The following NT5E variants were observed in gnomAD, a reference collection of about 807,000 sequenced individuals.
The protein encoded by NT5E is 5'-nucleotidase ecto, also known as 5'-nucleotidase.
In NT5E, 53 loss-of-function variants were observed where a neutral mutation model predicts 55.1. The ratio of observed to expected loss-of-function variants is 0.96; its 90% confidence interval spans 0.77 to 1.21. The LOEUF (loss-of-function observed/expected upper bound fraction) is 1.21. NT5E is among the 50% of genes most tolerant of loss of function. The probability of loss-of-function intolerance (pLI) is 0.00; values close to 1 mark genes in which losing one functional copy is unlikely to be tolerated. For synonymous variants in NT5E, 270 were observed against 278.4 expected, an observed-to-expected ratio of 0.97 and a Z score of 0.30; for missense variants, 683 against 724.3, an observed-to-expected ratio of 0.94 and a Z score of 0.65.
At position 85,473,806 on chromosome 6, in the gene NT5E, C is replaced by A. The variant is rs140401434; in HGVS notation, c.751+2381C>A. Among the ~76,000 whole-genome samples, 152 of 152,252 alleles carry A rather than the reference C, an allele frequency of 1.0e-3. 1 individual carries two copies. The highest frequency in any genetic ancestry group is 3.6e-3 in the African/African-American group (151 of 41,532). The stretch of plus-strand genomic sequence containing the variant: ...TCTAAAAACTCAGCTTTAAATGGGA[C>A]GTGACCAAAATAATGCATGAACACT... On this transcript the variant is annotated intron_variant, in intron 3 of 8. Transcript: ENST00000257770.
rs1262582043 is a variant in NT5E, at chr6:85,494,340, T to C, written c.*336T>C. On this transcript the variant is annotated 3_prime_UTR_variant, in exon 9 of 9. Transcript: ENST00000257770. ...ATCCATCAAACAGCTTATGTTTACATAAAATTTTATCATTCACAAGGAAGT... is the reference window on the plus strand; with the variant it reads ...ATCCATCAAACAGCTTATGTTTACACAAAATTTTATCATTCACAAGGAAGT... The C allele has an allele frequency of 4.2e-6, 1 of 236,202 alleles. No homozygotes were observed. Among genetic ancestry groups the C allele is most frequent in the Non-Finnish European group, 8.3e-6 (1 of 120,312 alleles). 14.6% of individuals were successfully genotyped at this position (236,202 alleles called of 1,614,324 possible).
At chr6:85,490,409 T>C in intron 6 of NT5E, 99 bp from the exon 7 acceptor site, 2 of 1,335,424 alleles carry the variant, frequency 1.5e-6, no homozygotes, top group Non-Finnish European at 2.1e-6. Context: ...GCTTCCCATG[T>C]CCCCCTCATT....
chr6:85,479,849 T>C (rs1201236269), intron 3 of NT5E, among the ~76,000 whole-genome samples: 1 of 152,180 alleles, frequency 6.6e-6, no homozygotes, highest in Non-Finnish European at 1.5e-5. Context: ...TGTTTTCTTA[T>C]TTTTAAACAT....
chr6:85,467,011 TTA>T (rs748160130), intron 1 of NT5E, 47 bp from the exon 2 acceptor site: 11 of 1,529,674 alleles, frequency 7.2e-6, no homozygotes, highest in Non-Finnish European at 9.9e-6. Flanking sequence ...TGGACTAATG[TTA>T]TGTTTTTAAA....
chr6:85,472,485 C>T (rs952948420), intron 3 of NT5E, among the ~76,000 whole-genome samples: 1 of 152,226 alleles, frequency 6.6e-6, no homozygotes, highest in Non-Finnish European at 1.5e-5. Context: ...AGGAAAGAAA[C>T]ACAATATTGG....
In NT5E at chr6:85,450,090, G is replaced by C. The variant is rs1176773619; in HGVS notation, c.-50G>C. ...CCCTAGCTGCTCGCCCCTACTCGCCGGCACTCGCCCGGCTCGCCCGCTTTC... is the reference window on the plus strand; with the variant it reads ...CCCTAGCTGCTCGCCCCTACTCGCCCGCACTCGCCCGGCTCGCCCGCTTTC... On this transcript the variant is annotated 5_prime_UTR_variant, in exon 1 of 9. Coordinates refer to ENST00000257770, the MANE Select transcript of NT5E (RefSeq NM_002526.4). The surrounding 1 kb of genome is among the most constrained non-coding windows in gnomAD (Gnocchi z 4.0). 1.4e-6 allele frequency: 2 copies of C among 1,466,224 alleles called. No individual in the cohort carries two copies. Among genetic ancestry groups the C allele is most frequent in the Non-Finnish European group, 1.8e-6 (2 of 1,086,426 alleles). The allele number at this position is 1,466,224 out of a possible 1,614,324, so 90.8% of individuals were successfully genotyped here.
At position 85,467,182 on chromosome 6, in the gene NT5E, A is replaced by G. The variant is rs1288338029; in HGVS notation, c.462A>G (p.Ile154Met). 16 of 1,614,180 alleles carry G rather than the reference A, an allele frequency of 9.9e-6. No individual in the cohort carries two copies. Among genetic ancestry groups the G allele is most frequent in the Non-Finnish European group, 1.3e-5 (15 of 1,180,026 alleles). The change falls in exon 2 of 9, where the codon ATA becomes ATG. Residue 154 changes from isoleucine to methionine, a missense_variant. Physicochemically the swap from Ile to Met is conservative, Grantham distance 10. Transcript: ENST00000257770. ...CAAAGGGGCCACTAGCATCTCAAAT[A>G]TCAGGACTTTATTTGCCATATAAAG... Reference protein sequence around the residue: ...IKAKGPLASQISGLYLPYKVL... With the variant: ...IKAKGPLASQMSGLYLPYKVL...
At chr6:85,456,819 G>A (rs1033428963) in intron 1 of NT5E, among the ~76,000 whole-genome samples, 1 of 152,152 alleles carries the variant, frequency 6.6e-6, no homozygotes, top group Admixed American at 6.5e-5. Flanking sequence ...GGGTGAGACT[G>A]GGATCAAGTC....
intron 1 of NT5E, among the ~76,000 whole-genome samples, chr6:85,464,507 C>A (rs1479125919): frequency 2.0e-5 from 3 of 152,038 alleles, no homozygotes; most frequent in Non-Finnish European, 2.9e-5. Context: ...TTTCCTCACA[C>A]TTTATGGGGT....
chr6:85,451,592 G>C (rs1051070140), intron 1 of NT5E, among the ~76,000 whole-genome samples: 1 of 152,142 alleles, frequency 6.6e-6, no homozygotes. Flanking sequence ...GGAGAAACTT[G>C]GGAGAAGAAA....
chr6:85,451,658 T>C (rs1768860977), intron 1 of NT5E, among the ~76,000 whole-genome samples: 1 of 152,048 alleles, frequency 6.6e-6, no homozygotes, highest in African/African-American at 2.4e-5. Flanking sequence ...TCCAGAGAAA[T>C]CTGTGAAGTC....
chr6:85,489,321 T>G lies in NT5E; in HGVS notation c.1105-173T>G, dbSNP rs150670740. Among the ~76,000 whole-genome samples, 46 of 152,312 alleles carry G rather than the reference T, an allele frequency of 3.0e-4. 1 individual carries two copies. In the East Asian group the frequency reaches 3.7e-3, roughly 12 times the overall value. ...TTTGACATGGACTGGTAACAGTATA[T>G]TTTTACTTCTGGGAGCATAAAATTA... On this transcript the variant is annotated intron_variant, in intron 5 of 8. Coordinates refer to ENST00000257770, the MANE Select transcript of NT5E (RefSeq NM_002526.4).
chr6:85,488,587 T>TTA (rs1562145427), intron 5 of NT5E, among the ~76,000 whole-genome samples: 31 of 152,100 alleles, frequency 2.0e-4, no homozygotes, highest in African/African-American at 7.0e-4. Flanking sequence ...TTAATTAATT[T>TTA]ATTTATTTAT....
At chr6:85,489,689 G>A in intron 6 of NT5E, 90 bp downstream of exon 6, 1 of 893,676 alleles carries the variant, frequency 1.1e-6, no homozygotes, top group Admixed American at 2.0e-5. Context: ...ACACCCATGT[G>A]CAGCCTCAGT....
intron 3 of NT5E, among the ~76,000 whole-genome samples, chr6:85,482,927 A>G (rs1429237187): frequency 6.6e-6 from 1 of 152,230 alleles, no homozygotes; most frequent in Admixed American, 6.5e-5. Flanking sequence ...TAGACCAGCT[A>G]TCGCCCCAGC....
intron 3 of NT5E, among the ~76,000 whole-genome samples, chr6:85,478,078 A>T (rs1330565595): frequency 6.6e-6 from 1 of 152,020 alleles, no homozygotes; most frequent in African/African-American, 2.4e-5. Flanking sequence ...GAATGTGGTA[A>T]GCACAAGAAC....
intron 3 of NT5E, among the ~76,000 whole-genome samples, chr6:85,480,910 T>G (rs1769535898): frequency 6.6e-6 from 1 of 152,140 alleles, no homozygotes; most frequent in Non-Finnish European, 1.5e-5. Context: ...GAAACTGACC[T>G]AGTAGCAAAA....
chr6:85,477,169 C>T (rs966945733), intron 3 of NT5E, among the ~76,000 whole-genome samples: 5 of 152,068 alleles, frequency 3.3e-5, no homozygotes, highest in Non-Finnish European at 7.4e-5. Context: ...TTCCTCTTTC[C>T]CTCCCAGTCC....
At chr6:85,468,744 T>G (rs1399577043) in intron 2 of NT5E, among the ~76,000 whole-genome samples, 2 of 152,022 alleles carry the variant, frequency 1.3e-5, no homozygotes, top group Non-Finnish European at 2.9e-5. Flanking sequence ...GAAAGCATTG[T>G]CTCTTCTTTA....
Sources: gnomAD v4.1 joint callset for allele counts (sites outside exome capture counted in the v4.1 genomes callset) on GRCh38, gnomAD v4.1.1 for gene constraint, Gnocchi (gnomAD v3.1) non-coding constraint, MANE v1.5 for transcripts, NCBI Gene and HGNC (gene_info 2026-07-23, HGNC 2026-07-21) for gene names.